ADORA2B: variants seen among roughly 807,000 people sequenced by gnomAD.
ADORA2B encodes adenosine receptor A2b.
ADORA2B carries 18 observed loss-of-function variants against 20.8 expected under a neutral mutation model. That is an observed-to-expected ratio of 0.87 (90% CI 0.60 to 1.29). ADORA2B has a LOEUF of 1.29. Ranked by LOEUF, ADORA2B falls within the 50% of genes most tolerant of loss-of-function variation. The pLI is 0.00. For synonymous variants in ADORA2B, 179 were observed against 178.3 expected (o/e 1.00, Z -0.03); for missense variants, 441 against 422.7 (o/e 1.04, Z -0.38).
chr17:15,865,223 A>G, the ADORA2B span, among the ~76,000 whole-genome samples: 3 of 152,250 alleles, frequency 2.0e-5, no homozygotes, highest in African/African-American at 7.2e-5. Context: ...CACTATACAC[A>G]AAGATAAAAA....
the ADORA2B span, among the ~76,000 whole-genome samples, chr17:15,918,940 G>A: frequency 6.6e-6 from 1 of 152,192 alleles, no homozygotes; most frequent in Non-Finnish European, 1.5e-5. Context: ...GGCAGGAGGA[G>A]CAAATAGTGA....
chr17:15,860,436 G>A, the ADORA2B span, among the ~76,000 whole-genome samples: 1 of 148,180 alleles, frequency 6.7e-6, no homozygotes, highest in African/African-American at 2.6e-5. Flanking sequence ...CTGTGACCTG[G>A]TCATCACATT....
chr17:15,866,961 T>C, the ADORA2B span, among the ~76,000 whole-genome samples: 1 of 152,262 alleles, frequency 6.6e-6, no homozygotes, highest in South Asian at 2.1e-4. Flanking sequence ...GTTTTCGTAT[T>C]TTTTTGGTGG....
At chr17:15,965,025 G>C (rs144895984) in intron 1 of ADORA2B, among the ~76,000 whole-genome samples, 1 of 151,856 alleles carries the variant, frequency 6.6e-6, no homozygotes, top group Admixed American at 6.6e-5. Context: ...GTGCCACTGC[G>C]CTCCAGCCTG....
chr17:15,899,444 A>G, the ADORA2B span, among the ~76,000 whole-genome samples: 1 of 152,192 alleles, frequency 6.6e-6, no homozygotes, highest in African/African-American at 2.4e-5. Flanking sequence ...ATTTATTTTT[A>G]TAATTTCAAC....
chr17:15,887,226 A>G, the ADORA2B span, among the ~76,000 whole-genome samples: 1 of 129,740 alleles, frequency 7.7e-6, no homozygotes, highest in East Asian at 2.1e-4. Flanking sequence ...CAGAGGAGTA[A>G]AGGGAAGGGC....
chr17:15,948,124 G>C (rs912341323), intron 1 of ADORA2B, among the ~76,000 whole-genome samples: 2 of 152,172 alleles, frequency 1.3e-5, no homozygotes, highest in Non-Finnish European at 2.9e-5. Flanking sequence ...GGCTAGGACA[G>C]TCCTGGGACC....
chr17:15,917,939 C>G, the ADORA2B span, among the ~76,000 whole-genome samples: 3 of 152,348 alleles, frequency 2.0e-5, no homozygotes, highest in Non-Finnish European at 2.9e-5. Flanking sequence ...CCCTCCCTCT[C>G]GAGCCTGCAC....
the ADORA2B span, among the ~76,000 whole-genome samples, chr17:15,874,028 C>CTG: frequency 7.4e-6 from 1 of 135,500 alleles, no homozygotes; most frequent in Non-Finnish European, 1.5e-5. Context: ...GAAAATGTGA[C>CTG]TGTATATATA....
the ADORA2B span, chr17:15,863,937 C>G: frequency 6.6e-6 from 1 of 152,248 alleles, no homozygotes; most frequent in South Asian, 2.1e-4. Context: ...GTTGTTTCTT[C>G]AGATTCTGGC....
the ADORA2B span, among the ~76,000 whole-genome samples, chr17:15,866,610 T>C: frequency 6.6e-6 from 1 of 151,736 alleles, no homozygotes; most frequent in African/African-American, 2.4e-5. Flanking sequence ...ATATTCTCCA[T>C]GTAAGTCCTT....
rs1263884691 is a variant in ADORA2B at position 15,974,703 on chromosome 17, C to T, written c.360C>T (p.Thr120=). 6.2e-7 allele frequency: 1 copy of T among 1,613,338 alleles called. No individual in the cohort carries two copies. The highest frequency in any genetic ancestry group is 1.3e-5 in the African/African-American group (1 of 74,874). The change falls in exon 2 of 2, where the codon ACC becomes ACT. Residue 120 remains threonine, a synonymous_variant. Transcript: ENST00000304222. The part of the protein sequence containing the change: ...PLRYKSLVTG[T]RARGVIAVLW... The stretch of plus-strand genomic sequence containing the variant: ...GGTATAAAAGTTTGGTCACGGGGAC[C>T]CGAGCAAGAGGGGTCATTGCTGTCC...
intron 1 of ADORA2B, among the ~76,000 whole-genome samples, chr17:15,956,925 G>A (rs1015587292): frequency 6.6e-6 from 1 of 152,156 alleles, no homozygotes; most frequent in Non-Finnish European, 1.5e-5. Context: ...TCATTAAAAT[G>A]TGATTTTGTG....
At chr17:15,883,530 G>T in the ADORA2B span, among the ~76,000 whole-genome samples, 1 of 152,200 alleles carries the variant, frequency 6.6e-6, no homozygotes, top group Non-Finnish European at 1.5e-5. Flanking sequence ...ATTATGATGG[G>T]GATTGGGGTA....
intron 1 of ADORA2B, among the ~76,000 whole-genome samples, chr17:15,955,634 C>T (rs979567528): frequency 6.6e-6 from 1 of 151,936 alleles, no homozygotes; most frequent in Non-Finnish European, 1.5e-5. Flanking sequence ...TCTTGAACTC[C>T]TGACCTCAAG....
At chr17:15,900,082 G>A in the ADORA2B span, among the ~76,000 whole-genome samples, 3 of 152,012 alleles carry the variant, frequency 2.0e-5, no homozygotes, top group South Asian at 2.1e-4. Context: ...CGCTTGCCTC[G>A]GCCTCCCAAA....
At chr17:15,871,182 A>G in the ADORA2B span, among the ~76,000 whole-genome samples, 1 of 152,204 alleles carries the variant, frequency 6.6e-6, no homozygotes, top group East Asian at 1.9e-4. Flanking sequence ...TATGAGGAAT[A>G]AAAATGGCTT....
At chr17:15,911,933 C>T in the ADORA2B span, among the ~76,000 whole-genome samples, 3 of 152,228 alleles carry the variant, frequency 2.0e-5, no homozygotes, top group East Asian at 5.8e-4. Context: ...GCCAGGCCAG[C>T]TGAGTGTGAT....
chr17:15,873,550 A>C, the ADORA2B span, among the ~76,000 whole-genome samples: 1 of 152,212 alleles, frequency 6.6e-6, no homozygotes, highest in Non-Finnish European at 1.5e-5. Context: ...AGCAAGTAAA[A>C]AACAAGTAAT....
Sources: gnomAD v4.1 joint callset for allele counts (sites outside exome capture counted in the v4.1 genomes callset) on GRCh38, gnomAD v4.1.1 for gene constraint, MANE v1.5 for transcripts, NCBI Gene and HGNC (gene_info 2026-07-23, HGNC 2026-07-21) for gene names.